The following SNCAIP variants were observed in gnomAD, a reference collection of about 807,000 sequenced individuals.
The protein encoded by SNCAIP is synuclein alpha interacting protein, also known as synphilin-1.
SNCAIP carries 43 observed loss-of-function variants against 86.7 expected under a neutral mutation model. The ratio of observed to expected loss-of-function variants is 0.50; its 90% CI spans 0.39 to 0.64. The LOEUF is 0.64. SNCAIP is among the 30% of genes least tolerant of loss of function. The probability of loss-of-function intolerance (pLI) is 0.00; values close to 1 mark genes in which losing one functional copy is unlikely to be tolerated. For synonymous variants in SNCAIP, 417 were observed against 427.2 expected, an observed-to-expected ratio of 0.98 and a Z score of 0.29; for missense variants, 981 against 1,103.1, an observed-to-expected ratio of 0.89 and a Z score of 1.57.
At chr5:122,402,264 A>C (rs1032954562) in intron 2 of SNCAIP, among the ~76,000 whole-genome samples, 3 of 152,126 alleles carry the variant, frequency 2.0e-5, no homozygotes, top group Admixed American at 6.5e-5. Flanking sequence ...CAGAAACATA[A>C]GGTACCTTAT....
intron 10 of SNCAIP, among the ~76,000 whole-genome samples, chr5:122,452,239 A>G (rs1178332351): frequency 1.3e-5 from 2 of 152,200 alleles, no homozygotes; most frequent in Non-Finnish European, 2.9e-5. Context: ...AATTGCCTTC[A>G]CTGGAAACCC....
At chr5:122,317,656 C>T (rs1200875126) in intron 1 of SNCAIP, among the ~76,000 whole-genome samples, 2 of 151,986 alleles carry the variant, frequency 1.3e-5, no homozygotes, top group Admixed American at 6.6e-5. Context: ...AACCATATAA[C>T]CTGAGAGCAG....
At chr5:122,444,906 T>A in intron 8 of SNCAIP, 174 bp downstream of exon 8, 1 of 674,678 alleles carries the variant, frequency 1.5e-6, no homozygotes, top group Non-Finnish European at 2.7e-6. Context: ...GTGCTGAAGA[T>A]GCCATCTCTG....
chr5:122,323,505 G>A (rs1228083463), intron 1 of SNCAIP: 1 of 152,166 alleles, frequency 6.6e-6, no homozygotes, highest in Admixed American at 6.5e-5. Context: ...ATTTCATGCC[G>A]TGGAAGTCCT....
At chr5:122,397,896 G>A (rs760768576) in intron 2 of SNCAIP, among the ~76,000 whole-genome samples, 14 of 152,120 alleles carry the variant, frequency 9.2e-5, no homozygotes, top group Non-Finnish European at 1.8e-4. Context: ...AAAGACAAGG[G>A]GGGTGAATTT....
intron 3 of SNCAIP, among the ~76,000 whole-genome samples, chr5:122,421,494 A>C (rs961329525): frequency 5.3e-5 from 8 of 152,354 alleles, no homozygotes; most frequent in Middle Eastern, 3.4e-3. Flanking sequence ...CCTAAGAATC[A>C]GTCATAGCCA....
chr5:122,390,526 A>G (rs1010621733), intron 1 of SNCAIP, among the ~76,000 whole-genome samples: 2 of 152,178 alleles, frequency 1.3e-5, no homozygotes, highest in African/African-American at 4.8e-5. Flanking sequence ...CTGCACTTAG[A>G]TCCTCTTTCT....
At chr5:122,330,447 G>A (rs1292307059) in intron 1 of SNCAIP, among the ~76,000 whole-genome samples, 3 of 152,160 alleles carry the variant, frequency 2.0e-5, no homozygotes, top group Non-Finnish European at 4.4e-5. Context: ...GTGAGAAAGT[G>A]AGCAGTTACA....
At chr5:122,436,767 T>C (rs913437342) in intron 6 of SNCAIP, 2 of 152,198 alleles carry the variant, frequency 1.3e-5, no homozygotes, top group African/African-American at 4.8e-5. Flanking sequence ...AAGTACATTT[T>C]TTATTGGAAT....
At chr5:122,369,186 C>T (rs1420093897) in intron 1 of SNCAIP, among the ~76,000 whole-genome samples, 2 of 152,188 alleles carry the variant, frequency 1.3e-5, no homozygotes, top group African/African-American at 4.8e-5. Context: ...ACATTACATA[C>T]TCAATTTAAA....
At chr5:122,454,825 C>T (rs1269664117) in intron 10 of SNCAIP, among the ~76,000 whole-genome samples, 3 of 152,180 alleles carry the variant, frequency 2.0e-5, no homozygotes, top group Non-Finnish European at 4.4e-5. Flanking sequence ...AGTAGATTCT[C>T]CTGCCAGAAA....
At chr5:122,353,273 T>A (rs1760251565) in intron 1 of SNCAIP, among the ~76,000 whole-genome samples, 1 of 151,946 alleles carries the variant, frequency 6.6e-6, no homozygotes, top group Non-Finnish European at 1.5e-5. Context: ...ACCAATCTAT[T>A]GTGTTGGGAT....
At chr5:122,412,722 A>G (rs1471641291) in intron 3 of SNCAIP, among the ~76,000 whole-genome samples, 1 of 152,050 alleles carries the variant, frequency 6.6e-6, no homozygotes, top group Non-Finnish European at 1.5e-5. Flanking sequence ...TGGCCCACTC[A>G]ATGTCTACAT....
intron 1 of SNCAIP, among the ~76,000 whole-genome samples, chr5:122,330,478 A>G (rs555149411): frequency 6.6e-6 from 1 of 152,198 alleles, no homozygotes; most frequent in African/African-American, 2.4e-5. Flanking sequence ...TTCAACTTAT[A>G]TTTTCACCTG....
At chr5:122,401,753 C>T (rs1771854170) in intron 2 of SNCAIP, among the ~76,000 whole-genome samples, 2 of 152,298 alleles carry the variant, frequency 1.3e-5, no homozygotes, top group African/African-American at 4.8e-5. Context: ...CTCACCTAGG[C>T]TAGTGTCCGC....
chr5:122,402,667 A>G (rs1405449211), intron 2 of SNCAIP, among the ~76,000 whole-genome samples: 1 of 152,164 alleles, frequency 6.6e-6, no homozygotes, highest in Non-Finnish European at 1.5e-5. Context: ...TCATGTATTG[A>G]CGTCAAGCTA....
intron 1 of SNCAIP, among the ~76,000 whole-genome samples, chr5:122,313,590 TAA>T (rs1332404939): frequency 1.3e-5 from 2 of 152,258 alleles, no homozygotes; most frequent in African/African-American, 4.8e-5. Flanking sequence ...ATTGAAAATT[TAA>T]AAGGCAAAGA....
Position 122,316,403 on chromosome 5 carries a change from A to C in SNCAIP, c.-47+4119A>C, listed in dbSNP as rs185676405. Among the ~76,000 whole-genome samples, 482 of 152,340 alleles carry C rather than the reference A, an allele frequency of 3.2e-3. 4 individuals are homozygous for C. The highest frequency in any genetic ancestry group is 0.011 in the African/African-American group (464 of 41,570). ...CCACACCAGGTCAGCACACAATGCA[A>C]AGTGGGTGGGTTCACCCTTAAAGGA... On this transcript the variant is annotated intron_variant, in intron 1 of 10. Transcript: ENST00000261368.
intron 1 of SNCAIP, among the ~76,000 whole-genome samples, chr5:122,328,685 T>G (rs1233760322): frequency 6.6e-6 from 1 of 152,242 alleles, no homozygotes; most frequent in Non-Finnish European, 1.5e-5. Context: ...ACATTGATCT[T>G]TCTCAAATTG....
Sources: gnomAD v4.1 joint callset for allele counts (sites outside exome capture counted in the v4.1 genomes callset) on GRCh38, gnomAD v4.1.1 for gene constraint, MANE v1.5 for transcripts, NCBI Gene and HGNC (gene_info 2026-07-23, HGNC 2026-07-21) for gene names.